The following PLCL1 variants were observed in gnomAD, a reference collection of about 807,000 sequenced individuals.
PLCL1 encodes inactive phospholipase C-like protein 1.
PLCL1 carries 41 observed loss-of-function variants against 84.4 expected under a neutral mutation model. The ratio of observed to expected loss-of-function variants is 0.49; its 90% CI spans 0.38 to 0.63. The LOEUF (loss-of-function observed/expected upper bound fraction) is 0.63, where lower values mean the gene tolerates loss of function less well. Ranked by LOEUF, PLCL1 falls within the 30% of genes least tolerant of loss-of-function variation. The pLI is 0.00. For synonymous variants in PLCL1, 490 were observed against 488.3 expected, an observed-to-expected ratio of 1.00 and a Z score of -0.05; for missense variants, 1,206 against 1,367.8, an observed-to-expected ratio of 0.88 and a Z score of 1.87.
intron 1 of PLCL1, among the ~76,000 whole-genome samples, chr2:197,964,803 G>A (rs964241884): frequency 7.9e-5 from 12 of 151,876 alleles, no homozygotes; most frequent in Non-Finnish European, 1.6e-4. Context: ...AAGGGATATT[G>A]GATTTTATCA....
At chr2:197,988,469 A>T (rs1690265825) in intron 1 of PLCL1, among the ~76,000 whole-genome samples, 1 of 152,192 alleles carries the variant, frequency 6.6e-6, no homozygotes, top group Non-Finnish European at 1.5e-5. Flanking sequence ...GAGAACATAC[A>T]GTATTTGATT....
intron 1 of PLCL1, among the ~76,000 whole-genome samples, chr2:197,923,366 C>T: frequency 1.4e-5 from 2 of 143,498 alleles, no homozygotes; most frequent in African/African-American, 2.6e-5. Flanking sequence ...TCAGACGGGG[C>T]AGCTGCCGGT....
At chr2:198,130,473 G>T (rs1559115112) in intron 5 of PLCL1, among the ~76,000 whole-genome samples, 1 of 152,000 alleles carries the variant, frequency 6.6e-6, no homozygotes, top group Admixed American at 6.6e-5. Context: ...TTTGGCCCAG[G>T]TGTCACTCTC....
At chr2:197,813,318 C>A (rs1055915256) in intron 1 of PLCL1, among the ~76,000 whole-genome samples, 1 of 152,120 alleles carries the variant, frequency 6.6e-6, no homozygotes, top group Non-Finnish European at 1.5e-5. Context: ...CTTGAACTTG[C>A]AGTTTCTTAA....
At chr2:198,088,186 A>G (rs1692933502) in intron 2 of PLCL1, among the ~76,000 whole-genome samples, 1 of 152,154 alleles carries the variant, frequency 6.6e-6, no homozygotes, top group Non-Finnish European at 1.5e-5. Context: ...GGTAGCGTTG[A>G]TAGTTCATAT....
At chr2:197,952,923 A>G (rs1268027558) in intron 1 of PLCL1, among the ~76,000 whole-genome samples, 2 of 151,700 alleles carry the variant, frequency 1.3e-5, no homozygotes, top group Non-Finnish European at 2.9e-5. Context: ...CATTAAACCT[A>G]TTTTCCTTTA....
At chr2:197,945,514 T>C (rs1037690317) in intron 1 of PLCL1, among the ~76,000 whole-genome samples, 2 of 152,192 alleles carry the variant, frequency 1.3e-5, no homozygotes, top group East Asian at 3.9e-4. Flanking sequence ...TTGCTTTTTC[T>C]ATTTCACGGT....
chr2:197,842,705 T>A (rs1687035348), intron 1 of PLCL1, among the ~76,000 whole-genome samples: 1 of 152,124 alleles, frequency 6.6e-6, no homozygotes, highest in African/African-American at 2.4e-5. Flanking sequence ...CTTTCTCAGA[T>A]CCACAATCAA....
chr2:197,996,518 T>C (rs879616076), intron 1 of PLCL1, among the ~76,000 whole-genome samples: 26 of 152,052 alleles, frequency 1.7e-4, no homozygotes, highest in Non-Finnish European at 3.1e-4. Context: ...AGGTTAATAA[T>C]AGGAGAAATT....
intron 1 of PLCL1, among the ~76,000 whole-genome samples, chr2:197,846,696 C>T (rs1687125437): frequency 6.6e-6 from 1 of 151,912 alleles, no homozygotes; most frequent in South Asian, 2.1e-4. Context: ...CAGTAATTTA[C>T]AAAATAATTA....
chr2:197,947,029 C>T (rs1344371286), intron 1 of PLCL1, among the ~76,000 whole-genome samples: 2 of 151,936 alleles, frequency 1.3e-5, no homozygotes, highest in East Asian at 3.9e-4. Context: ...CTTATGGGTT[C>T]ATTTACCCAG....
At chr2:197,970,403 A>G (rs1689838219) in intron 1 of PLCL1, among the ~76,000 whole-genome samples, 1 of 152,204 alleles carries the variant, frequency 6.6e-6, no homozygotes, top group African/African-American at 2.4e-5. Context: ...ATACTGTCAC[A>G]ATGGCAATTA....
intron 1 of PLCL1, among the ~76,000 whole-genome samples, chr2:197,930,662 C>A (rs181799853): frequency 6.6e-6 from 1 of 151,992 alleles, no homozygotes; most frequent in Non-Finnish European, 1.5e-5. Context: ...ATTGGTCAGG[C>A]CTTCTGAGCT....
intron 2 of PLCL1, among the ~76,000 whole-genome samples, chr2:198,088,005 A>T (rs1366862147): frequency 6.6e-6 from 1 of 152,196 alleles, no homozygotes; most frequent in Non-Finnish European, 1.5e-5. Flanking sequence ...TTTTTCTGAC[A>T]TAATTCTAGT....
intron 5 of PLCL1, among the ~76,000 whole-genome samples, chr2:198,141,835 TACTC>T (rs1420659511): frequency 2.0e-5 from 3 of 152,190 alleles, no homozygotes; most frequent in Non-Finnish European, 4.4e-5. Flanking sequence ...GGCTCAAAAA[TACTC>T]ACACGAGTTG....
At chr2:197,934,411 T>C (rs1433831569) in intron 1 of PLCL1, among the ~76,000 whole-genome samples, 1 of 152,224 alleles carries the variant, frequency 6.6e-6, no homozygotes, top group Non-Finnish European at 1.5e-5. Flanking sequence ...AGAATATCAC[T>C]GTTCTTGCTT....
intron 1 of PLCL1, among the ~76,000 whole-genome samples, chr2:197,833,020 G>C (rs979063292): frequency 1.3e-5 from 2 of 152,176 alleles, no homozygotes; most frequent in African/African-American, 2.4e-5. Flanking sequence ...ATGAGGTCAG[G>C]AGTGAAACCT....
chr2:198,057,856 T>C (rs991316594), intron 1 of PLCL1, among the ~76,000 whole-genome samples: 6 of 152,248 alleles, frequency 3.9e-5, no homozygotes, highest in Non-Finnish European at 5.9e-5. Flanking sequence ...TAGAGAAGTA[T>C]AGTTTCCTAA....
intron 1 of PLCL1, among the ~76,000 whole-genome samples, chr2:198,043,750 C>T (rs979439733): frequency 1.3e-5 from 2 of 152,040 alleles, no homozygotes; most frequent in Admixed American, 6.6e-5. Flanking sequence ...GGGGAGGTGG[C>T]AGAGAAGGGG....
Sources: allele counts gnomAD v4.1 joint callset (sites outside exome capture counted in the v4.1 genomes callset), GRCh38; gene constraint gnomAD v4.1.1; transcripts MANE v1.5; gene names NCBI Gene and HGNC (gene_info 2026-07-23, HGNC 2026-07-21).